The following MYO9A variants were observed in gnomAD, a reference collection of about 807,000 sequenced individuals.
The protein encoded by MYO9A is myosin IXA.
MYO9A carries 103 observed loss-of-function variants against 293.3 expected under a neutral mutation model. The observed-to-expected ratio is 0.35, with a 90% CI of 0.30 to 0.41. MYO9A has a LOEUF of 0.41. Ranked by LOEUF, MYO9A falls within the 10% of genes least tolerant of loss-of-function variation. The pLI is 1.00. For synonymous variants in MYO9A, 1,001 were observed against 1,035.7 expected, an observed-to-expected ratio of 0.97 and a Z score of 0.64; for missense variants, 2,685 against 3,033.0, an observed-to-expected ratio of 0.89 and a Z score of 2.69.
intron 26 of MYO9A, chr15:71,893,048 G>C: frequency 7.8e-7 from 1 of 1,289,880 alleles, no homozygotes; most frequent in Middle Eastern, 2.1e-4. Flanking sequence ...AGGGAGAGAA[G>C]GGGCTCAATA....
intron 1 of MYO9A, among the ~76,000 whole-genome samples, chr15:72,048,345 G>C (rs1009775751): frequency 5.9e-5 from 9 of 151,472 alleles, no homozygotes; most frequent in Admixed American, 6.6e-5. Flanking sequence ...GTTACAGTGA[G>C]CTGAGGTCGC....
At chr15:71,956,330 A>AAATATATATATATATATATAT (rs10642655) in intron 14 of MYO9A, among the ~76,000 whole-genome samples, 2 of 75,584 alleles carry the variant, frequency 2.6e-5, no homozygotes, top group African/African-American at 1.2e-4. Context: ...AAAAAAAAAA[A>AAATATATATATATATATATAT]ATATATATAT....
chr15:72,027,646 G>C, intron 4 of MYO9A, 85 bp downstream of exon 4: 1 of 1,003,298 alleles, frequency 1.0e-6, no homozygotes. Flanking sequence ...ACTGAATTAA[G>C]GGTCATAATA....
At chr15:71,838,502 T>G (rs1166899967) in intron 39 of MYO9A, among the ~76,000 whole-genome samples, 1 of 152,208 alleles carries the variant, frequency 6.6e-6, no homozygotes, top group Non-Finnish European at 1.5e-5. Flanking sequence ...TATAAAGCCA[T>G]ATTGTCATCC....
At chr15:72,024,935 A>G (rs1325250898) in intron 4 of MYO9A, among the ~76,000 whole-genome samples, 1 of 152,214 alleles carries the variant, frequency 6.6e-6, no homozygotes, top group Non-Finnish European at 1.5e-5. Flanking sequence ...AAATCGTAAC[A>G]CATATGGAGA....
At position 72,095,753 on chromosome 15, in the gene MYO9A, C is replaced by A. The variant is rs1222791368; in HGVS notation, c.-72+21927G>T. 9.7e-5 allele frequency among the ~76,000 whole-genome samples: 8 copies of A among 82,350 alleles called. 1 individual carries two copies. The highest frequency in any genetic ancestry group is 1.4e-4 in the Admixed American group (1 of 7,200). The allele number at this position is 82,350 out of a possible 152,430, so 54.0% of individuals were successfully genotyped here. A position where few individuals can be genotyped will look rare whatever the true frequency, so the allele number is the denominator to read the frequency against. ...CTAAGCTGAAACCAATGCTCATTGA[C>A]CATTCTGAAAATCCTAGGGCTCTTG... On this transcript the variant is annotated intron_variant, in intron 1 of 41. Coordinates refer to ENST00000356056, the MANE Select transcript of MYO9A (RefSeq NM_006901.4).
In MYO9A at chr15:71,897,576, T is replaced by C. The variant is rs2057365915; in HGVS notation, c.4927A>G (p.Lys1643Glu). The change falls in exon 25 of 42, where the codon AAA (lysine) becomes GAA (glutamate). Residue 1643 changes from lysine (K) to glutamate (E), a missense_variant. Around this residue, in one of 10 missense-constraint regions of MYO9A, gnomAD observed 1,434 missense variants for 1,497.7 expected, o/e 0.96. Transcript: ENST00000356056. Reference protein sequence around the residue: ...ACKLSNNRISKREHFRPTQSY... With the variant: ...ACKLSNNRISEREHFRPTQSY... ...TGAGTTGGCCTAAAGTGTTCTCTTTTTGAAATGCGATTATTTGAGAGTTTA... is the reference window on the plus strand; with the variant it reads ...TGAGTTGGCCTAAAGTGTTCTCTTTCTGAAATGCGATTATTTGAGAGTTTA... 2.5e-6 allele frequency: 4 copies of C among 1,614,084 alleles called. 1 individual carries two copies. Among genetic ancestry groups the C allele is most frequent in the Admixed American group, 3.3e-5 (2 of 60,006 alleles).
At chr15:72,021,357 GT>G (rs1287754885) in intron 4 of MYO9A, among the ~76,000 whole-genome samples, 1 of 152,114 alleles carries the variant, frequency 6.6e-6, no homozygotes, top group Non-Finnish European at 1.5e-5. Flanking sequence ...CCCAGAGAGT[GT>G]TTACTCAATA....
In MYO9A at chr15:71,841,913, C is replaced by T. The variant is rs1051967441; in HGVS notation, c.6837+6932G>A. Among the ~76,000 whole-genome samples, 4 of 151,596 alleles carry T rather than the reference C, an allele frequency of 2.6e-5. No homozygotes were observed. In the East Asian group the frequency reaches 5.8e-4, roughly 22 times the overall value. On this transcript the variant is annotated intron_variant, in intron 39 of 41. Transcript: ENST00000356056. ...CACATGCCTTGGTCTCCCAAAGTGCCGGTGATATTTTAACCTAGGATTTTT... is the reference window on the plus strand; with the variant it reads ...CACATGCCTTGGTCTCCCAAAGTGCTGGTGATATTTTAACCTAGGATTTTT...
intron 1 of MYO9A, among the ~76,000 whole-genome samples, chr15:72,092,344 T>C (rs146742631): frequency 3.3e-5 from 5 of 152,182 alleles, no homozygotes; most frequent in Non-Finnish European, 7.4e-5. Flanking sequence ...AAAAGAATGA[T>C]GGGAGAAAGG....
chr15:71,984,578 C>G (rs114333821), intron 11 of MYO9A, among the ~76,000 whole-genome samples: 2,421 of 152,198 alleles, frequency 0.016, 73 homozygotes, highest in African/African-American at 0.056. Flanking sequence ...ATTCCTATGG[C>G]ACATGTTAGA....
intron 5 of MYO9A, among the ~76,000 whole-genome samples, chr15:72,019,846 T>C (rs1165022584): frequency 6.6e-6 from 1 of 152,126 alleles, no homozygotes; most frequent in Non-Finnish European, 1.5e-5. Flanking sequence ...GCCTCCCGGG[T>C]TGAAGCGATT....
chr15:71,916,121 C>T (rs891761799), intron 19 of MYO9A, among the ~76,000 whole-genome samples: 1 of 151,998 alleles, frequency 6.6e-6, no homozygotes, highest in Non-Finnish European at 1.5e-5. Flanking sequence ...CAATTTTCTG[C>T]TTTCTCCTCA....
chr15:71,998,572 T>TC (rs1431712475), intron 9 of MYO9A, among the ~76,000 whole-genome samples: 1 of 151,010 alleles, frequency 6.6e-6, no homozygotes, highest in East Asian at 1.9e-4. Flanking sequence ...TGTCTTTTTT[T>TC]TTCTTTTTAT....
chr15:71,880,970 G>C (rs1467370939), intron 28 of MYO9A, among the ~76,000 whole-genome samples: 1 of 152,104 alleles, frequency 6.6e-6, no homozygotes, highest in Non-Finnish European at 1.5e-5. Context: ...GAAACAATAT[G>C]TGTAGCTATA....
intron 11 of MYO9A, among the ~76,000 whole-genome samples, chr15:71,983,158 A>C (rs970561281): frequency 2.0e-5 from 3 of 152,164 alleles, no homozygotes; most frequent in Non-Finnish European, 4.4e-5. Context: ...AGATTAAATC[A>C]AACACCTTAC....
chr15:72,101,914 G>C (rs1256289798), intron 1 of MYO9A, among the ~76,000 whole-genome samples: 2 of 152,268 alleles, frequency 1.3e-5, no homozygotes, highest in East Asian at 3.9e-4. Context: ...GGAGGTGAGG[G>C]GCGCCTCTGC....
chr15:71,953,767 T>G (rs911625107), intron 14 of MYO9A: 1 of 152,244 alleles, frequency 6.6e-6, no homozygotes, highest in Non-Finnish European at 1.5e-5. Context: ...TAAAGTGATA[T>G]TCCCTGTTTG....
chr15:72,055,092 TGTACCATTTCA>T (rs1388413392), intron 1 of MYO9A, among the ~76,000 whole-genome samples: 1 of 152,200 alleles, frequency 6.6e-6, no homozygotes, highest in African/African-American at 2.4e-5. Flanking sequence ...AAACATATTT[TGTACCATTTCA>T]GTTGAAGAAA....
Sources: allele counts gnomAD v4.1 joint callset (sites outside exome capture counted in the v4.1 genomes callset), GRCh38; gene constraint gnomAD v4.1.1; regional missense constraint gnomAD v4.1.1; transcripts MANE v1.5; gene names NCBI Gene and HGNC (gene_info 2026-07-23, HGNC 2026-07-21).